H1-7: variants seen among roughly 807,000 people sequenced by gnomAD.
The protein encoded by H1-7 is H1.7 linker histone.
H1-7 carries 1 observed loss-of-function variant against 0.3 expected under a neutral mutation model. The observed-to-expected ratio is 3.06, with a 90% confidence interval of 1.09 to 14.53. H1-7 has a LOEUF of 14.53. Ranked by LOEUF, H1-7 falls within the 30% of genes most tolerant of loss-of-function variation. The pLI is 0.12. For synonymous variants in H1-7, 177 were observed against 153.2 expected (o/e 1.16, Z -1.15); for missense variants, 393 against 353.1 (o/e 1.11, Z -0.91).
chr12:48,329,420 A>G lies in H1-7; in HGVS notation c.129A>G (p.Glu43=), dbSNP rs781150094. ...RGHSATQLPA[E]KTVGGPSRGC... ...ACTCAGCCACTCAGCTGCCAGCGGA[A>G]AAAACTGTCGGGGGACCATCGAGGG... is the stretch of plus-strand genomic sequence containing the variant. Residue 43 remains glutamate (E), a synonymous_variant, in exon 1 of 1, where the codon GAA becomes GAG. Coordinates refer to ENST00000335017, the MANE Select transcript of H1-7 (RefSeq NM_181788.1). 6.2e-7 allele frequency: 1 copy of G among 1,614,198 alleles called. No homozygotes were observed. The highest frequency in any genetic ancestry group is 1.1e-5 in the South Asian group (1 of 91,092).
chr12:48,329,920 C>T lies in H1-7; in HGVS notation c.629C>T (p.Ala210Val). ...GCCAGAGCCAAGGAGGAAGCGGGAG[C>T]GACAGCGGCAGACGAGGGGCGAGGA... is the stretch of plus-strand genomic sequence containing the variant. ...PCARAKEEAG[A>V]TAADEGRGQA... Residue 210 changes from alanine to valine, a missense_variant, in exon 1 of 1, where the codon GCG (alanine) becomes GTG (valine). By Grantham distance (64) the Ala-to-Val change is moderately conservative. Transcript: ENST00000335017. The T allele has an allele frequency of 6.3e-7, 1 of 1,598,654 alleles. No homozygotes were observed. Among genetic ancestry groups the T allele is most frequent in the Non-Finnish European group, 8.5e-7 (1 of 1,173,294 alleles).
Position 48,329,204 on chromosome 12 carries a change from C to T in H1-7, c.-88C>T. On this transcript the variant is annotated 5_prime_UTR_variant, in exon 1 of 1. Transcript: ENST00000335017. The stretch of plus-strand genomic sequence containing the variant: ...GTTATTATAAGTGAAAAGGGCCCCT[C>T]CCCGGGTGAGATATGCCAGCCCCAT... 7.1e-7 allele frequency: 1 copy of T among 1,414,806 alleles called. No individual in the cohort carries two copies. Among genetic ancestry groups the T allele is most frequent in the East Asian group, 2.5e-5 (1 of 39,788 alleles). The allele number at this position is 1,414,806 out of a possible 1,614,324, so 87.6% of individuals were successfully genotyped here.
Position 48,329,770 on chromosome 12 carries a change from C to G in H1-7, c.479C>G (p.Pro160Arg), listed in dbSNP as rs372730305. ...CGGAGCTCCCGGAGGCGCCGCCAGC[C>G]CCTTCGCAAGGCGGCCAGGAAGGCC... Reference protein sequence around the residue: ...APRSSRRRRQPLRKAARKARE... With the variant: ...APRSSRRRRQRLRKAARKARE... The change falls in exon 1 of 1, where the codon CCC becomes CGC. Residue 160 changes from proline to arginine, a missense_variant. Pro to Arg is a moderately radical substitution (Grantham distance 103, BLOSUM62 -2). Transcript: ENST00000335017. 116 of 1,599,742 alleles carry G rather than the reference C, an allele frequency of 7.3e-5. No individual in the cohort carries two copies. Among genetic ancestry groups the G allele is most frequent in the Admixed American group, 8.7e-5 (5 of 57,340 alleles).
rs1393096063 is a variant in H1-7, at chr12:48,330,227, C to T, written c.*168C>T. 1.4e-6 allele frequency: 1 copy of T among 726,886 alleles called. No homozygotes were observed. The highest frequency in any genetic ancestry group is 2.0e-5 in the South Asian group (1 of 51,074). The allele number at this position is 726,886 out of a possible 1,614,324, so 45.0% of individuals were successfully genotyped here. A position where few individuals can be genotyped will look rare whatever the true frequency, so the allele number is the denominator to read the frequency against. On this transcript the variant is annotated 3_prime_UTR_variant, in exon 1 of 1. Coordinates refer to ENST00000335017, the MANE Select transcript of H1-7 (RefSeq NM_181788.1). The stretch of plus-strand genomic sequence containing the variant: ...CGGACCAATGCCTTTCCCCCATAGG[C>T]CCCAAGAAGAGCGGCTGTCACACTC...
At chr12:48,330,009 AG>A in the H1-7 span, 5 of 1,613,812 alleles carry the variant, frequency 3.1e-6, no homozygotes, top group Non-Finnish European at 4.2e-6. Context: ...CTCCAAGCCC[AG>A]GGAAGAGAAG....
Position 48,329,210 on chromosome 12 carries a change from G to A in H1-7, c.-82G>A. Reference sequence around the variant, plus strand: ...ATAAGTGAAAAGGGCCCCTCCCCGGGTGAGATATGCCAGCCCCATAATTAG... The same window carrying A: ...ATAAGTGAAAAGGGCCCCTCCCCGGATGAGATATGCCAGCCCCATAATTAG... On this transcript the variant is annotated 5_prime_UTR_variant, in exon 1 of 1. In the 5' UTR this introduces an upstream ATG that the reference lacks. Transcript: ENST00000335017. The A allele has an allele frequency of 7.0e-7, 1 of 1,430,022 alleles. No individual in the cohort carries two copies. Among genetic ancestry groups the A allele is most frequent in the South Asian group, 1.5e-5 (1 of 66,896 alleles). 88.6% of individuals were successfully genotyped at this position (1,430,022 alleles called of 1,614,324 possible).
Position 48,329,741 on chromosome 12 carries a change from G to C in H1-7, c.450G>C (p.Ala150=). ...GCGCTCCCTGGAGGACCCCAGCCGC[G>C]CCCCGGAGCTCCCGGAGGCGCCGCC... ...GTRAPWRTPA[A]PRSSRRRRQP... is the part of the protein sequence containing the mutation. The change falls in exon 1 of 1, where the codon GCG becomes GCC. Residue 150 remains alanine (A), a synonymous_variant. Transcript: ENST00000335017. The C allele has an allele frequency of 6.2e-7, 1 of 1,602,782 alleles. No homozygotes were observed. Among genetic ancestry groups the C allele is most frequent in the Non-Finnish European group, 8.5e-7 (1 of 1,176,126 alleles).
Position 48,329,914 on chromosome 12 carries a change from C to T in H1-7, c.623C>T (p.Ala208Val). The T allele has an allele frequency of 6.3e-7, 1 of 1,596,762 alleles. No homozygotes were observed. ...CCGTGTGCCAGAGCCAAGGAGGAAGCGGGAGCGACAGCGGCAGACGAGGGG... is the reference window on the plus strand; with the variant it reads ...CCGTGTGCCAGAGCCAAGGAGGAAGTGGGAGCGACAGCGGCAGACGAGGGG... ...EPPCARAKEE[A>V]GATAADEGRG... Residue 208 changes from alanine (A) to valine (V), a missense_variant, in exon 1 of 1, where the codon GCG becomes GTG. Transcript: ENST00000335017.
chr12:48,329,676 A>T lies in H1-7; in HGVS notation c.385A>T (p.Arg129Trp), dbSNP rs771739033. ...YFRVWKVPKP[R>W]RKPGRARQEE... ...CAGGGTCTGGAAGGTTCCCAAGCCC[A>T]GGAGAAAGCCGGGACGCGCGAGGCA... The change falls in exon 1 of 1, where the codon AGG (arginine) becomes TGG (tryptophan). Residue 129 changes from arginine to tryptophan, a missense_variant. Coordinates refer to ENST00000335017, the MANE Select transcript of H1-7 (RefSeq NM_181788.1). 1 of 1,611,560 alleles carries T rather than the reference A, an allele frequency of 6.2e-7. No individual in the cohort carries two copies. The highest frequency in any genetic ancestry group is 8.5e-7 in the Non-Finnish European group (1 of 1,179,496).
rs757781799 is a variant in H1-7, at chr12:48,329,977, C to T, written c.686C>T (p.Ser229Leu). ...QAVKEDTTPR[S>L]GKDKRRSSKP... ...GTGAAGGAAGACACCACGCCGAGGT[C>T]AGGGAAGGACAAGAGGCGAAGCTCC... is the stretch of plus-strand genomic sequence containing the variant. The change falls in exon 1 of 1, where the codon TCA becomes TTA. Residue 229 changes from serine to leucine, a missense_variant. Transcript: ENST00000335017. 3 of 1,613,536 alleles carry T rather than the reference C, an allele frequency of 1.9e-6. No individual in the cohort carries two copies. The highest frequency in any genetic ancestry group is 4.5e-5 in the East Asian group (2 of 44,838).
Position 48,330,092 on chromosome 12 carries a change from C to G in H1-7, c.*33C>G. On this transcript the variant is annotated 3_prime_UTR_variant, in exon 1 of 1. Coordinates refer to ENST00000335017, the MANE Select transcript of H1-7 (RefSeq NM_181788.1). ...GGGCTAAAACCGACCGGACATCTAG[C>G]GGGCAGGGGAAGACTCCACTAAAGA... 1.3e-6 allele frequency: 2 copies of G among 1,569,208 alleles called. No homozygotes were observed. The highest frequency in any genetic ancestry group is 1.7e-6 in the Non-Finnish European group (2 of 1,160,374).
Position 48,330,212 on chromosome 12 carries a change from C to A in H1-7, c.*153C>A. On this transcript the variant is annotated 3_prime_UTR_variant, in exon 1 of 1. Transcript: ENST00000335017. ...GCTTCACTCCCACCACGGACCAATG[C>A]CTTTCCCCCATAGGCCCCAAGAAGA... 1 of 834,952 alleles carries A rather than the reference C, an allele frequency of 1.2e-6. No individual in the cohort carries two copies. Among genetic ancestry groups the A allele is most frequent in the Non-Finnish European group, 1.8e-6 (1 of 540,642 alleles). The allele number at this position is 834,952 out of a possible 1,614,324, so 51.7% of individuals were successfully genotyped here.
At position 48,329,685 on chromosome 12, in the gene H1-7, C is replaced by A; in HGVS notation, c.394C>A (p.Pro132Thr). ...GAAGGTTCCCAAGCCCAGGAGAAAG[C>A]CGGGACGCGCGAGGCAAGAGGAGGG... ...VWKVPKPRRK[P>T]GRARQEEGTR... The change falls in exon 1 of 1, where the codon CCG becomes ACG. Residue 132 changes from proline to threonine, a missense_variant. Transcript: ENST00000335017. 4.3e-6 allele frequency: 7 copies of A among 1,611,088 alleles called. No individual in the cohort carries two copies. The highest frequency in any genetic ancestry group is 5.9e-6 in the Non-Finnish European group (7 of 1,179,434).
Position 48,329,078 on chromosome 12 carries a change from G to A in H1-7, c.-214G>A. ...ATCGAGATCAGTAAGTTTGATTTGG[G>A]AACAAAACCCTGGAGACTCTATAGG... On this transcript the variant is annotated 5_prime_UTR_variant, in exon 1 of 1. Transcript: ENST00000335017. 6.0e-6 allele frequency: 3 copies of A among 501,806 alleles called. No homozygotes were observed. The highest frequency in any genetic ancestry group is 6.8e-6 in the Non-Finnish European group (2 of 292,634). 31.1% of individuals were successfully genotyped at this position (501,806 alleles called of 1,614,324 possible). A position where few individuals can be genotyped will look rare whatever the true frequency, so the allele number is the denominator to read the frequency against.
Position 48,329,679 on chromosome 12 carries a change from A to C in H1-7, c.388A>C (p.Arg130=). The C allele has an allele frequency of 6.2e-7, 1 of 1,611,394 alleles. No homozygotes were observed. Among genetic ancestry groups the C allele is most frequent in the Non-Finnish European group, 8.5e-7 (1 of 1,179,484 alleles). ...FRVWKVPKPR[R]KPGRARQEEG... ...GGTCTGGAAGGTTCCCAAGCCCAGG[A>C]GAAAGCCGGGACGCGCGAGGCAAGA... is the stretch of plus-strand genomic sequence containing the variant. Residue 130 remains arginine (R), a synonymous_variant, in exon 1 of 1, where the codon AGA becomes CGA. Transcript: ENST00000335017.
In H1-7 at chr12:48,329,325, C is replaced by T. The variant is rs150155042; in HGVS notation, c.34C>T (p.Arg12Trp). 3.2e-4 allele frequency: 517 copies of T among 1,602,016 alleles called. 1 individual carries two copies. In the East Asian group the frequency reaches 0.01, roughly 32 times the overall value. The change falls in exon 1 of 1, where the codon CGG (arginine) becomes TGG (tryptophan). Residue 12 changes from arginine (R) to tryptophan (W), a missense_variant. Physicochemically the swap from Arg to Trp is moderately radical, Grantham distance 101 (BLOSUM62 -3). Transcript: ENST00000335017. ...GGCCTTGACTGGTGAGGCCCAAAGC[C>T]GGTGGCCCCGCAGAGGCGGGAGTGG... ...EQALTGEAQS[R>W]WPRRGGSGAM...
chr12:48,329,532 A>G lies in H1-7; in HGVS notation c.241A>G (p.Lys81Glu). 1 of 1,613,758 alleles carries G rather than the reference A, an allele frequency of 6.2e-7. No individual in the cohort carries two copies. The highest frequency in any genetic ancestry group is 8.5e-7 in the Non-Finnish European group (1 of 1,179,938). Reference sequence around the variant, plus strand: ...AGGGCTGACTCTGGCAGCTCTCAAGAAGGAGCTCCGAAACGCCGGCTACGA... The same window carrying G: ...AGGGCTGACTCTGGCAGCTCTCAAGGAGGAGCTCCGAAACGCCGGCTACGA... ...HKGLTLAALK[K>E]ELRNAGYEVR... The change falls in exon 1 of 1, where the codon AAG becomes GAG. Residue 81 changes from lysine (K) to glutamate (E), a missense_variant. Lys to Glu is a moderately conservative substitution (Grantham distance 56). Transcript: ENST00000335017.
chr12:48,329,241 G>GA lies in H1-7; in HGVS notation c.-47dup, dbSNP rs748429670. On this transcript the variant is annotated 5_prime_UTR_variant, in exon 1 of 1. Transcript: ENST00000335017. ...TATGCCAGCCCCATAATTAGGACCT[G>GA]AAAATCTCTGCCAGGCCTGCCTTTG... 3 of 1,468,006 alleles carry GA rather than the reference G, an allele frequency of 2.0e-6. No homozygotes were observed. The highest frequency in any genetic ancestry group is 5.5e-5 in the Admixed American group (2 of 36,342). 90.9% of individuals were successfully genotyped at this position (1,468,006 alleles called of 1,614,324 possible).
At position 48,329,594 on chromosome 12, in the gene H1-7, G is replaced by C. The variant is rs1254216518; in HGVS notation, c.303G>C (p.Arg101Ser). Residue 101 changes from arginine to serine, a missense_variant, in exon 1 of 1, where the codon AGG (arginine) becomes AGC (serine). By Grantham distance (110) the Arg-to-Ser change is moderately radical (BLOSUM62 -1). Transcript: ENST00000335017. The stretch of plus-strand genomic sequence containing the variant: ...AGAGCGGCCGCCACGAAGCGCCCAG[G>C]GGGCAGGCCAAGGCCACGCTCCTCC... Reference protein sequence around the residue: ...RRKSGRHEAPRGQAKATLLRV... With the variant: ...RRKSGRHEAPSGQAKATLLRV... The C allele has an allele frequency of 1.9e-6, 3 of 1,612,868 alleles. No individual in the cohort carries two copies. The highest frequency in any genetic ancestry group is 2.2e-5 in the East Asian group (1 of 44,874).
Sources: allele counts gnomAD v4.1 joint callset, GRCh38; gene constraint gnomAD v4.1.1; transcripts MANE v1.5; gene names NCBI Gene and HGNC (gene_info 2026-07-23, HGNC 2026-07-21).